Variants in NDUFS1 observed in about 807,000 individuals in gnomAD.
NDUFS1 encodes the protein NADH:ubiquinone oxidoreductase core subunit S1.
A neutral mutation model predicts 84.4 loss-of-function variants in NDUFS1; 61 were observed. The observed-to-expected ratio is 0.72, with a 90% CI of 0.59 to 0.89. The LOEUF (loss-of-function observed/expected upper bound fraction) is 0.89, where lower values mean the gene tolerates loss of function less well. Ranked by LOEUF, NDUFS1 falls within the 40% of genes least tolerant of loss-of-function variation. The pLI, the probability that NDUFS1 is intolerant of heterozygous loss-of-function variation, is 0.00. For missense variants in NDUFS1, 891 were observed against 890.0 expected, an observed-to-expected ratio of 1.00 and a Z score of -0.01; for synonymous variants, 275 against 290.0, an observed-to-expected ratio of 0.95 and a Z score of 0.53.
At chr2:206,144,335 A>C (rs183644840) in intron 9 of NDUFS1, among the ~76,000 whole-genome samples, 1 of 152,368 alleles carries the variant, frequency 6.6e-6, no homozygotes, top group East Asian at 1.9e-4. Context: ...CTAAAATACC[A>C]TCTGAAAGTT....
chr2:206,116,775 A>C lies in NDUFS1; in HGVS notation c.*7410T>G. 4.7e-6 allele frequency: 1 copy of C among 210,900 alleles called. No individual in the cohort carries two copies. The highest frequency in any genetic ancestry group is 9.7e-6 in the Non-Finnish European group (1 of 102,840). The allele number at this position is 210,900 out of a possible 1,614,324, so 13.1% of individuals were successfully genotyped here. A position where few individuals can be genotyped will look rare whatever the true frequency, so the allele number is the denominator to read the frequency against. On this transcript the variant is annotated 3_prime_UTR_variant, in exon 19 of 19. Transcript: ENST00000233190. The stretch of plus-strand genomic sequence containing the variant: ...GGTGGCTTACGCCTGTAATCCCAGC[A>C]CTTTGGGAGGCCGAGGTGGGCAGAT...
In NDUFS1 at chr2:206,147,566, G is replaced by C. The variant is rs1692204936; in HGVS notation, c.516C>G (p.Ile172Met). 1 of 1,614,150 alleles carries C rather than the reference G, an allele frequency of 6.2e-7. No homozygotes were observed. Among genetic ancestry groups the C allele is most frequent in the Non-Finnish European group, 8.5e-7 (1 of 1,180,000 alleles). The change falls in exon 7 of 19, where the codon ATC (isoleucine) becomes ATG (methionine). Residue 172 changes from isoleucine to methionine, a missense_variant. By Grantham distance (10) the Ile-to-Met change is conservative. Coordinates refer to ENST00000233190, the MANE Select transcript of NDUFS1 (RefSeq NM_005006.7). ...GAGTACACTGTATACATCTTGTCAT[G>C]ATGGTCTTTACCAATGGCCCAATGT... ...DKNIGPLVKT[I>M]MTRCIQCTRC...
rs190725673 is a variant in NDUFS1 at position 206,146,628 on chromosome 2, T to A, written c.737+275A>T. ...ACAACAACATGGGAGACTATACATTTAAAATGTCAACACTATTAAACTCTT... is the reference window on the plus strand; with the variant it reads ...ACAACAACATGGGAGACTATACATTAAAAATGTCAACACTATTAAACTCTT... On this transcript the variant is annotated intron_variant, in intron 8 of 18. Transcript: ENST00000233190. 6.2e-3 allele frequency among the ~76,000 whole-genome samples: 950 copies of A among 152,334 alleles called. 4 individuals are homozygous for A. Among genetic ancestry groups the A allele is most frequent in the Non-Finnish European group, 8.6e-3 (582 of 68,036 alleles).
intron 2 of NDUFS1, among the ~76,000 whole-genome samples, chr2:206,152,838 G>C (rs1377798538): frequency 1.3e-5 from 2 of 151,574 alleles, no homozygotes; most frequent in Admixed American, 1.3e-4. Flanking sequence ...CCGAGTAGCT[G>C]GGATTACAGG....
chr2:206,154,943 T>TTGG (rs1687585871), intron 1 of NDUFS1, among the ~76,000 whole-genome samples: 1 of 147,830 alleles, frequency 6.8e-6, no homozygotes. Flanking sequence ...TTTTTTTTTT[T>TTGG]GAGATAGAGT....
At chr2:206,148,974 T>C (rs1692263388) in intron 5 of NDUFS1, 46 bp downstream of exon 5, 1 of 1,421,156 alleles carries the variant, frequency 7.0e-7, no homozygotes, top group African/African-American at 1.4e-5. Context: ...AAATGTGCAA[T>C]TTTCTGCTTT....
chr2:206,126,582 T>C lies in NDUFS1; in HGVS notation c.2049A>G (p.Pro683=), dbSNP rs745993097. The part of the protein sequence containing the change: ...KLVNQQLLAD[P]LVPPQLTIKD... ...TTATAGTTAGCTGAGGTGGAACAAG[T>C]GGGTCAGCAAGAAGCTGCTGGTTCA... Residue 683 remains proline, a synonymous_variant, in exon 18 of 19, where the codon CCA becomes CCG. Transcript: ENST00000233190. 2 of 1,614,112 alleles carry C rather than the reference T, an allele frequency of 1.2e-6. No homozygotes were observed. The highest frequency in any genetic ancestry group is 1.7e-6 in the Non-Finnish European group (2 of 1,180,020).
Position 206,147,939 on chromosome 2 carries a change from A to T in NDUFS1, c.339-105T>A, listed in dbSNP as rs550868525. The stretch of plus-strand genomic sequence containing the variant: ...ATAGACTTTATTTTTTTTTTTTGAG[A>T]TGGTGTCTCGCTCTGTTGCTCAGGC... On this transcript the variant is annotated intron_variant, in intron 5 of 18. Coordinates refer to ENST00000233190, the MANE Select transcript of NDUFS1 (RefSeq NM_005006.7). 3.3e-5 allele frequency: 34 copies of T among 1,029,608 alleles called. No individual in the cohort carries two copies. The African/African-American group carries it at 4.8e-4, about 15-fold the overall frequency. The allele number at this position is 1,029,608 out of a possible 1,614,324, so 63.8% of individuals were successfully genotyped here. A position where few individuals can be genotyped will look rare whatever the true frequency, so the allele number is the denominator to read the frequency against.
At chr2:206,137,428 C>A (rs147693018) in intron 13 of NDUFS1, among the ~76,000 whole-genome samples, 3 of 151,896 alleles carry the variant, frequency 2.0e-5, no homozygotes, top group African/African-American at 7.3e-5. Flanking sequence ...AAGATCGTGC[C>A]ACTGCACTCC....
chr2:206,153,498 T>G, intron 2 of NDUFS1, 120 bp downstream of exon 2: 1 of 673,400 alleles, frequency 1.5e-6, no homozygotes, highest in Non-Finnish European at 2.6e-6. Flanking sequence ...ACCCGGCCGG[T>G]TTCTATTTTT....
At chr2:206,152,383 GAA>G in intron 3 of NDUFS1, 34 bp downstream of exon 3, 1 of 1,528,240 alleles carries the variant, frequency 6.5e-7, no homozygotes, top group South Asian at 1.1e-5. Flanking sequence ...AAAAAAATCA[GAA>G]CACACACACA....
rs1367512688 is a variant in NDUFS1, at chr2:206,153,647, A to G, written c.32T>C (p.Val11Ala). Residue 11 changes from valine to alanine, a missense_variant, in exon 2 of 19, where the codon GTA becomes GCA. Physicochemically the swap from Val to Ala is moderately conservative, Grantham distance 64 (BLOSUM62 0). Coordinates refer to ENST00000233190, the MANE Select transcript of NDUFS1 (RefSeq NM_005006.7). ...TCCTTTAGGAGACTTAGAAAGGCCT[A>G]CTAAGGCCTTTCTTACAGGTATCCT... The part of the protein sequence containing the change: MLRIPVRKAL[V>A]GLSKSPKGCV... 1 of 1,547,258 alleles carries G rather than the reference A, an allele frequency of 6.5e-7. No homozygotes were observed. Among genetic ancestry groups the G allele is most frequent in the Admixed American group, 1.7e-5 (1 of 58,556 alleles).
chr2:206,136,098 TG>T (rs1193162623), intron 13 of NDUFS1, among the ~76,000 whole-genome samples: 2 of 151,720 alleles, frequency 1.3e-5, no homozygotes, highest in African/African-American at 2.4e-5. Context: ...TCACCCAGGC[TG>T]GAGTCCAATG....
At chr2:206,155,916 G>A (rs1314605624) in intron 1 of NDUFS1, among the ~76,000 whole-genome samples, 1 of 151,740 alleles carries the variant, frequency 6.6e-6, no homozygotes, top group East Asian at 1.9e-4. Flanking sequence ...GATCATATAG[G>A]CTAAGCACTG....
intron 12 of NDUFS1, among the ~76,000 whole-genome samples, chr2:206,140,305 T>C (rs1691886359): frequency 6.6e-6 from 1 of 152,134 alleles, no homozygotes; most frequent in East Asian, 2.0e-4. Context: ...GGTGTGATCA[T>C]GCTAATATAC....
chr2:206,130,389 T>C, intron 14 of NDUFS1, 147 bp from the exon 15 acceptor site: 5 of 1,065,608 alleles, frequency 4.7e-6, no homozygotes, highest in African/African-American at 1.6e-5. Context: ...GAGTCTCACT[T>C]TGTCGCCCAG....
intron 10 of NDUFS1, among the ~76,000 whole-genome samples, 168 bp downstream of exon 10, chr2:206,143,850 C>A (rs1692056409): frequency 6.6e-6 from 1 of 151,956 alleles, no homozygotes. Context: ...CCCTTAATAG[C>A]ATAATATCTA....
At chr2:206,135,113 G>A (rs1230379082) in intron 13 of NDUFS1, among the ~76,000 whole-genome samples, 1 of 150,872 alleles carries the variant, frequency 6.6e-6, no homozygotes, top group African/African-American at 2.4e-5. Flanking sequence ...CCACCTCCCA[G>A]GTTCAAGCTA....
In NDUFS1 at chr2:206,121,814, G is replaced by T. The variant is rs1240070351; in HGVS notation, c.*2371C>A. 1 of 152,054 alleles carries T rather than the reference G, an allele frequency of 6.6e-6. No individual in the cohort carries two copies. Among genetic ancestry groups the T allele is most frequent in the African/African-American group, 2.4e-5 (1 of 41,384 alleles). The allele number at this position is 152,054 out of a possible 1,614,324, so 9.4% of individuals were successfully genotyped here. ...ACAAGCTGCCTAGCAGGTAGCCCAA[G>T]GATCCTGGATCAACTTAGCTATATA... On this transcript the variant is annotated 3_prime_UTR_variant, in exon 19 of 19. Transcript: ENST00000233190.
Sources: allele counts gnomAD v4.1 joint callset (sites outside exome capture counted in the v4.1 genomes callset), GRCh38; gene constraint gnomAD v4.1.1; transcripts MANE v1.5; gene names NCBI Gene and HGNC (gene_info 2026-07-23, HGNC 2026-07-21).